Variants in LRP1B observed in about 807,000 individuals in gnomAD.
The protein encoded by LRP1B is low-density lipoprotein receptor-related protein 1B.
LRP1B carries 217 observed loss-of-function variants against 556.6 expected under a neutral mutation model. That is an observed-to-expected ratio of 0.39 (90% CI 0.35 to 0.44). The LOEUF is 0.44. LRP1B is among the 20% of genes least tolerant of loss of function. LRP1B has a pLI of 1.00. For synonymous variants in LRP1B, 2,047 were observed against 1,865.8 expected (o/e 1.10, Z -2.50); for missense variants, 5,053 against 5,620.8 (o/e 0.90, Z 3.23).
rs1413868496 is a variant in LRP1B at position 140,770,890 on chromosome 2, A to T, written c.5617T>A (p.Ser1873Thr). Residue 1873 changes from serine (S) to threonine (T), a missense_variant, in exon 34 of 91, where the codon TCA (serine) becomes ACA (threonine). By Grantham distance (58) the Ser-to-Thr change is moderately conservative (BLOSUM62 1). Coordinates refer to ENST00000389484, the MANE Select transcript of LRP1B (RefSeq NM_018557.3). ...TTTCATGAACTCATACCTTGACATGACATACGGTTCTTTTGGAGATAATAT... is the reference window on the plus strand; with the variant it reads ...TTTCATGAACTCATACCTTGACATGTCATACGGTTCTTTTGGAGATAATAT... ...VGYYLQKNRM[S>T]CQGIESFLMY... is the part of the protein sequence containing the mutation. The T allele has an allele frequency of 6.4e-7, 1 of 1,556,328 alleles. No individual in the cohort carries two copies. The highest frequency in any genetic ancestry group is 2.5e-5 in the East Asian group (1 of 40,770).
chr2:141,443,143 C>G (rs1443642927), intron 3 of LRP1B, among the ~76,000 whole-genome samples: 1 of 152,148 alleles, frequency 6.6e-6, no homozygotes, highest in Non-Finnish European at 1.5e-5. Context: ...GAGATGGTAT[C>G]TCATTGTGGT....
At chr2:141,190,383 C>T (rs1299381082) in intron 6 of LRP1B, among the ~76,000 whole-genome samples, 3 of 151,936 alleles carry the variant, frequency 2.0e-5, no homozygotes, top group Non-Finnish European at 4.4e-5. Context: ...TGCCCCTACG[C>T]TATTCTCAAT....
chr2:140,921,173 G>C (rs769044112), intron 21 of LRP1B, among the ~76,000 whole-genome samples: 1 of 151,542 alleles, frequency 6.6e-6, no homozygotes, highest in African/African-American at 2.4e-5. Context: ...ACATAGCTTT[G>C]AGAATTTACA....
At chr2:142,079,383 AACAAT>A (rs1705628120) in intron 1 of LRP1B, among the ~76,000 whole-genome samples, 2 of 151,980 alleles carry the variant, frequency 1.3e-5, no homozygotes, top group Non-Finnish European at 2.9e-5. Flanking sequence ...ACTAATAAGG[AACAAT>A]CTCTTTATCT....
intron 1 of LRP1B, among the ~76,000 whole-genome samples, chr2:141,949,628 C>A (rs1558981036): frequency 1.3e-5 from 2 of 152,036 alleles, no homozygotes; most frequent in East Asian, 3.9e-4. Flanking sequence ...GACCTGGTGA[C>A]CCACCCGCCT....
intron 11 of LRP1B, among the ~76,000 whole-genome samples, chr2:141,032,797 GTA>G (rs2105417204): frequency 1.1e-5 from 1 of 92,590 alleles, no homozygotes; most frequent in African/African-American, 4.0e-5. Context: ...TTTAACGCAG[GTA>G]TATGTGTGTG....
chr2:140,804,508 C>T (rs1343659564), intron 32 of LRP1B, among the ~76,000 whole-genome samples: 1 of 151,838 alleles, frequency 6.6e-6, no homozygotes, highest in Non-Finnish European at 1.5e-5. Context: ...AAGTTGAGCA[C>T]TTAGATTTTT....
chr2:141,095,174 G>A lies in LRP1B; in HGVS notation c.1014-32901C>T, dbSNP rs900230683. On this transcript the variant is annotated intron_variant, in intron 7 of 90. Transcript: ENST00000389484. ...AATCTTGGATTTTTCAGCCTCCAGA[G>A]CTGTGAGAAGTAAATTTCTATTTAT... Among the ~76,000 whole-genome samples, 4 of 151,820 alleles carry A rather than the reference G, an allele frequency of 2.6e-5. No homozygotes were observed. The East Asian group carries it at 7.8e-4, about 30-fold the overall frequency.
At chr2:140,372,886 C>G (rs1211179507) in intron 69 of LRP1B, 122 bp downstream of exon 69, 14 of 1,015,422 alleles carry the variant, frequency 1.4e-5, no homozygotes, top group African/African-American at 8.2e-5. Context: ...ATTTGCAGAC[C>G]CTTTCTTAAA....
chr2:141,012,391 T>C (rs1266953805), intron 14 of LRP1B, among the ~76,000 whole-genome samples: 3 of 152,058 alleles, frequency 2.0e-5, no homozygotes, highest in Admixed American at 1.3e-4. Context: ...ACTGTTTCTA[T>C]TCATAGCCTG....
rs542688023 is a variant in LRP1B, at chr2:141,364,337, G to T, written c.344-109696C>A. 4.5e-3 allele frequency among the ~76,000 whole-genome samples: 674 copies of T among 149,562 alleles called. 7 individuals carry two copies. Among genetic ancestry groups the T allele is most frequent in the African/African-American group, 0.016 (652 of 40,478 alleles). The stretch of plus-strand genomic sequence containing the variant: ...TGAATGATTAAATCACATACACAGT[G>T]GAATAATTAAATCACGCACACACAC... On this transcript the variant is annotated intron_variant, in intron 3 of 90. Coordinates refer to ENST00000389484, the MANE Select transcript of LRP1B (RefSeq NM_018557.3).
At chr2:140,345,570 T>C (rs1681607034) in intron 77 of LRP1B, among the ~76,000 whole-genome samples, 1 of 150,586 alleles carries the variant, frequency 6.6e-6, no homozygotes, top group Non-Finnish European at 1.5e-5. Context: ...TCTGGCTTCA[T>C]AGTTTTATGT....
chr2:140,681,174 T>A (rs1194142139), intron 41 of LRP1B, among the ~76,000 whole-genome samples: 1 of 152,202 alleles, frequency 6.6e-6, no homozygotes, highest in South Asian at 2.1e-4. Flanking sequence ...GTATTATATA[T>A]AAATTGCATT....
intron 84 of LRP1B, among the ~76,000 whole-genome samples, chr2:140,282,333 G>T (rs1247621219): frequency 6.6e-6 from 1 of 151,916 alleles, no homozygotes; most frequent in East Asian, 1.9e-4. Flanking sequence ...ATTAGATGGT[G>T]TTACCCTCTT....
At chr2:141,606,593 C>T (rs1339097271) in intron 2 of LRP1B, among the ~76,000 whole-genome samples, 3 of 152,266 alleles carry the variant, frequency 2.0e-5, no homozygotes, top group Non-Finnish European at 2.9e-5. Flanking sequence ...AGGCCTTTAG[C>T]ATGGGCCTTA....
chr2:140,560,265 A>T (rs956674194), intron 43 of LRP1B, among the ~76,000 whole-genome samples: 1 of 152,202 alleles, frequency 6.6e-6, no homozygotes, highest in African/African-American at 2.4e-5. Flanking sequence ...ACTCTCAACA[A>T]GGAAATCTGG....
intron 1 of LRP1B, among the ~76,000 whole-genome samples, chr2:142,043,614 AATT>A (rs1050294320): frequency 1.1e-4 from 17 of 151,800 alleles, no homozygotes; most frequent in Admixed American, 1.1e-3. Context: ...GTCAACAAAA[AATT>A]ATTAACTGTT....
intron 2 of LRP1B, among the ~76,000 whole-genome samples, chr2:141,523,302 T>C (rs1574043331): frequency 6.6e-6 from 1 of 152,126 alleles, no homozygotes; most frequent in African/African-American, 2.4e-5. Context: ...GAAATGATAA[T>C]GCAAAGTCAT....
At chr2:141,043,357 G>T (rs1257620410) in intron 11 of LRP1B, among the ~76,000 whole-genome samples, 1 of 151,874 alleles carries the variant, frequency 6.6e-6, no homozygotes, top group African/African-American at 2.4e-5. Flanking sequence ...CTTACGACTT[G>T]AAGTAGATGA....
Sources: gnomAD v4.1 joint callset for allele counts (sites outside exome capture counted in the v4.1 genomes callset) on GRCh38, gnomAD v4.1.1 for gene constraint, MANE v1.5 for transcripts, NCBI Gene and HGNC (gene_info 2026-07-23, HGNC 2026-07-21) for gene names.